Variants in INO80C observed in about 807,000 individuals in gnomAD.
INO80C encodes INO80 complex subunit C, also known as IES6 homolog.
In INO80C, 17 loss-of-function variants were observed where a neutral mutation model predicts 17.7. That is an observed-to-expected ratio of 0.96 (90% confidence interval 0.66 to 1.44). INO80C has a LOEUF of 1.44. Ranked by LOEUF, INO80C falls within the 40% of genes most tolerant of loss-of-function variation. The probability of loss-of-function intolerance (pLI) is 0.00; values close to 1 mark genes in which losing one functional copy is unlikely to be tolerated. For missense variants in INO80C, 244 were observed against 245.0 expected, an observed-to-expected ratio of 1.00 and a Z score of 0.03; for synonymous variants, 96 against 95.8, an observed-to-expected ratio of 1.00 and a Z score of -0.01.
At chr18:35,480,666 G>C in intron 1 of INO80C, 103 bp from the exon 2 acceptor site, 1 of 886,126 alleles carries the variant, frequency 1.1e-6, no homozygotes, top group Non-Finnish European at 1.8e-6. Context: ...GGGCATGCAA[G>C]GGAAGACAGT....
chr18:35,473,504 G>C (rs1457941430), intron 4 of INO80C, among the ~76,000 whole-genome samples: 1 of 152,206 alleles, frequency 6.6e-6, no homozygotes, highest in African/African-American at 2.4e-5. Flanking sequence ...CCCTGGAAGG[G>C]AGGCAAAAGT....
rs150942468 is a variant in INO80C at position 35,478,813 on chromosome 18, T to C, written c.380-464A>G. Among the ~76,000 whole-genome samples the C allele has an allele frequency of 5.2e-3, 785 of 152,298 alleles. 12 individuals are homozygous for C. The highest frequency in any genetic ancestry group is 0.017 in the African/African-American group (717 of 41,560). Reference sequence around the variant, plus strand: ...AGTGGAGTAGGAGATGGTGAGAACTTTGAACTTGTACTTTCCAGTGAAGCT... The same window carrying C: ...AGTGGAGTAGGAGATGGTGAGAACTCTGAACTTGTACTTTCCAGTGAAGCT... On this transcript the variant is annotated intron_variant, in intron 3 of 4. Coordinates refer to ENST00000334598, the MANE Select transcript of INO80C (RefSeq NM_194281.4).
chr18:35,491,713 G>C (rs558927306), intron 1 of INO80C, among the ~76,000 whole-genome samples: 3 of 152,290 alleles, frequency 2.0e-5, no homozygotes, highest in Non-Finnish European at 4.4e-5. Flanking sequence ...GGAAGATCAA[G>C]TCTGTGAGGC....
At chr18:35,479,150 C>A in intron 3 of INO80C, 150 bp downstream of exon 3, 2 of 589,998 alleles carry the variant, frequency 3.4e-6, no homozygotes, top group East Asian at 2.9e-5. Flanking sequence ...AAAATACACA[C>A]ATAATCTGCC....
chr18:35,484,096 A>G (rs1191480542), intron 1 of INO80C, among the ~76,000 whole-genome samples: 1 of 152,200 alleles, frequency 6.6e-6, no homozygotes, highest in Non-Finnish European at 1.5e-5. Flanking sequence ...TATGTAATCC[A>G]AGGTTAAAGG....
chr18:35,474,578 C>T (rs1005253172), intron 4 of INO80C, among the ~76,000 whole-genome samples: 15 of 151,820 alleles, frequency 9.9e-5, no homozygotes, highest in East Asian at 3.9e-4. Context: ...ACCTAGCTTC[C>T]GGGGAGGCTG....
intron 1 of INO80C, chr18:35,489,420 C>G: frequency 4.9e-6 from 1 of 203,250 alleles, no homozygotes; most frequent in South Asian, 6.0e-5. Flanking sequence ...AGAATGAGAA[C>G]CAAGTGAAAG....
intron 1 of INO80C, among the ~76,000 whole-genome samples, chr18:35,482,881 A>C (rs949141553): frequency 6.6e-6 from 1 of 152,146 alleles, no homozygotes; most frequent in African/African-American, 2.4e-5. Context: ...GATTCTCTAC[A>C]GCTCAGCCAG....
At chr18:35,487,105 C>A (rs895392852) in intron 1 of INO80C, among the ~76,000 whole-genome samples, 1 of 152,204 alleles carries the variant, frequency 6.6e-6, no homozygotes, top group African/African-American at 2.4e-5. Context: ...TACCACCTTA[C>A]TAAGTGCTCA....
intron 4 of INO80C, among the ~76,000 whole-genome samples, chr18:35,469,855 A>T (rs749859780): frequency 6.6e-6 from 1 of 152,248 alleles, no homozygotes; most frequent in Non-Finnish European, 1.5e-5. Context: ...ATGACTAATG[A>T]ATGAATAAAC....
chr18:35,497,655 G>T, intron 1 of INO80C, 64 bp downstream of exon 1: 1 of 1,552,142 alleles, frequency 6.4e-7, no homozygotes, highest in Non-Finnish European at 8.7e-7. Context: ...GCCCTGGCTC[G>T]GCTCCGCCCC....
intron 4 of INO80C, among the ~76,000 whole-genome samples, chr18:35,477,263 A>G (rs2045748315): frequency 7.7e-6 from 1 of 129,150 alleles, no homozygotes; most frequent in African/African-American, 2.5e-5. Context: ...TGAAAAGATC[A>G]AGAAAGATAT....
chr18:35,471,937 A>AT (rs1182365080), intron 4 of INO80C, among the ~76,000 whole-genome samples: 2 of 152,044 alleles, frequency 1.3e-5, no homozygotes, highest in Non-Finnish European at 1.5e-5. Flanking sequence ...TGAACTCATC[A>AT]TTTTTTATGG....
At chr18:35,497,446 C>T in intron 1 of INO80C, 4 of 1,244,006 alleles carry the variant, frequency 3.2e-6, no homozygotes, top group East Asian at 4.4e-5. Context: ...ATGCTAAAGG[C>T]GACCTCGAGG....
At chr18:35,492,286 C>G (rs1160640775) in intron 1 of INO80C, among the ~76,000 whole-genome samples, 1 of 152,126 alleles carries the variant, frequency 6.6e-6, no homozygotes, top group Non-Finnish European at 1.5e-5. Flanking sequence ...ATAATAAAGT[C>G]AATTAAATAT....
intron 1 of INO80C, 82 bp downstream of exon 1, chr18:35,497,637 A>T: frequency 6.6e-7 from 1 of 1,514,578 alleles, no homozygotes; most frequent in Non-Finnish European, 8.8e-7. Flanking sequence ...GCCCCACATT[A>T]CGCACGCGCC....
chr18:35,471,848 C>T (rs558479958), intron 4 of INO80C, among the ~76,000 whole-genome samples: 6 of 141,492 alleles, frequency 4.2e-5, no homozygotes, highest in Admixed American at 1.5e-4. Flanking sequence ...TGACAACATG[C>T]GGTGTTTGGT....
intron 1 of INO80C, among the ~76,000 whole-genome samples, chr18:35,485,459 T>C (rs1266708065): frequency 6.6e-6 from 1 of 152,114 alleles, no homozygotes; most frequent in Non-Finnish European, 1.5e-5. Context: ...ATGCTCAACA[T>C]CACTAGTCAT....
At chr18:35,490,113 C>A (rs1294758761) in intron 1 of INO80C, among the ~76,000 whole-genome samples, 1 of 152,096 alleles carries the variant, frequency 6.6e-6, no homozygotes, top group East Asian at 1.9e-4. Flanking sequence ...GCATGCAGGG[C>A]AGGAAGGGTG....
Sources: allele counts gnomAD v4.1 joint callset (sites outside exome capture counted in the v4.1 genomes callset), GRCh38; gene constraint gnomAD v4.1.1; transcripts MANE v1.5; gene names NCBI Gene and HGNC (gene_info 2026-07-23, HGNC 2026-07-21).